ZNF654: variants seen among roughly 807,000 people sequenced by gnomAD.
ZNF654 encodes the protein melanoma-associated antigen.
In ZNF654, 19 loss-of-function variants were observed where a neutral mutation model predicts 95.3. That is an observed-to-expected ratio of 0.20 (90% CI 0.14 to 0.29). The LOEUF (loss-of-function observed/expected upper bound fraction) is 0.29. ZNF654 is among the 10% of genes least tolerant of loss of function. The pLI is 1.00. For synonymous variants in ZNF654, 413 were observed against 457.9 expected, an observed-to-expected ratio of 0.90 and a Z score of 1.25; for missense variants, 1,046 against 1,341.0, an observed-to-expected ratio of 0.78 and a Z score of 3.44.
At chr3:88,080,733 T>C (rs868210756) in intron 1 of ZNF654, among the ~76,000 whole-genome samples, 1 of 152,164 alleles carries the variant, frequency 6.6e-6, no homozygotes, top group Non-Finnish European at 1.5e-5. Context: ...AAAAAGTAAA[T>C]GTAGAAATCT....
intron 3 of ZNF654, among the ~76,000 whole-genome samples, chr3:88,124,830 C>T (rs181852558): frequency 1.4e-3 from 211 of 151,524 alleles, no homozygotes; most frequent in African/African-American, 4.9e-3. Context: ...ACGCTTTAAG[C>T]TCTATTTATG....
intron 3 of ZNF654, among the ~76,000 whole-genome samples, chr3:88,125,748 C>T (rs4858999): frequency 0.71 from 107,526 of 152,100 alleles, 41,724 homozygotes; most frequent in South Asian, 0.91. Flanking sequence ...TGCCCTACCA[C>T]GCTCTCTTTT....
chr3:88,095,837 C>A (rs1327314606), intron 2 of ZNF654: 2 of 456,972 alleles, frequency 4.4e-6, no homozygotes, highest in Non-Finnish European at 8.4e-6. Flanking sequence ...TATTGTGCTC[C>A]TCAGAAAAGC....
In ZNF654 at chr3:88,139,536, A is replaced by G. The variant is rs760852980; in HGVS notation, c.1867A>G (p.Ser623Gly). Residue 623 changes from serine to glycine, a missense_variant, in exon 8 of 9, where the codon AGT (serine) becomes GGT (glycine). Physicochemically the swap from Ser to Gly is moderately conservative, Grantham distance 56 (BLOSUM62 0). Coordinates refer to ENST00000636215, the MANE Select transcript of ZNF654 (RefSeq NM_001350134.2). ...VTALEEINCS[S>G]SSISFENGNS... Reference sequence around the variant, plus strand: ...TGCTTTGGAAGAAATAAATTGTTCTAGTTCTTCCATTTCATTTGAAAATGG... The same window carrying G: ...TGCTTTGGAAGAAATAAATTGTTCTGGTTCTTCCATTTCATTTGAAAATGG... 2.4e-5 allele frequency: 39 copies of G among 1,613,434 alleles called. No homozygotes were observed. Among genetic ancestry groups the G allele is most frequent in the African/African-American group, 4.0e-5 (3 of 74,904 alleles).
intron 6 of ZNF654, among the ~76,000 whole-genome samples, chr3:88,134,569 G>A (rs1234417933): frequency 6.6e-6 from 1 of 152,072 alleles, no homozygotes; most frequent in Non-Finnish European, 1.5e-5. Context: ...TTAAAAGTAC[G>A]ATATCTGAAA....
chr3:88,143,696 CTT>C lies in ZNF654; in HGVS notation c.*2046_*2047del, dbSNP rs1707232143. On this transcript the variant is annotated 3_prime_UTR_variant, in exon 9 of 9. Coordinates refer to ENST00000636215, the MANE Select transcript of ZNF654 (RefSeq NM_001350134.2). ...CAAATATATTCCATTTGTAATCTGT[CTT>C]TAACTTGAGGTTTATTTCTACTTTT... The C allele has an allele frequency of 6.6e-6, 1 of 152,182 alleles. No homozygotes were observed. The highest frequency in any genetic ancestry group is 2.4e-5 in the African/African-American group (1 of 41,378). The allele number at this position is 152,182 out of a possible 1,614,324, so 9.4% of individuals were successfully genotyped here.
chr3:88,139,513 C>A lies in ZNF654; in HGVS notation c.1844C>A (p.Ala615Asp). 1 of 1,613,436 alleles carries A rather than the reference C, an allele frequency of 6.2e-7. No homozygotes were observed. Residue 615 changes from alanine (A) to aspartate (D), a missense_variant, in exon 8 of 9, where the codon GCT becomes GAT. Transcript: ENST00000636215. ...AAQQDDQEVT[A>D]LEEINCSSSS... ...CAACAGGATGATCAGGAAGTCACTG[C>A]TTTGGAAGAAATAAATTGTTCTAGT...
chr3:88,123,286 T>C (rs1442516627), intron 3 of ZNF654, among the ~76,000 whole-genome samples: 4 of 152,150 alleles, frequency 2.6e-5, no homozygotes, highest in Non-Finnish European at 5.9e-5. Flanking sequence ...CTGTTTTCCA[T>C]AAGAGTGGTC....
chr3:88,129,267 A>G (rs1706296722), intron 5 of ZNF654, among the ~76,000 whole-genome samples: 2 of 138,578 alleles, frequency 1.4e-5, no homozygotes, highest in South Asian at 5.2e-4. Context: ...TGCACTTTTG[A>G]TGTGATGGAG....
chr3:88,076,148 T>A (rs1707790421), intron 1 of ZNF654, among the ~76,000 whole-genome samples: 1 of 152,216 alleles, frequency 6.6e-6, no homozygotes, highest in Non-Finnish European at 1.5e-5. Context: ...TGTACAGATT[T>A]TATATTACTT....
intron 2 of ZNF654, among the ~76,000 whole-genome samples, chr3:88,109,098 G>C (rs1257852107): frequency 6.6e-6 from 1 of 151,794 alleles, no homozygotes; most frequent in Non-Finnish European, 1.5e-5. Flanking sequence ...TCCAGTGGGA[G>C]GGAAGGGGTC....
At chr3:88,088,192 G>A (rs563239681) in intron 2 of ZNF654, among the ~76,000 whole-genome samples, 36 of 152,140 alleles carry the variant, frequency 2.4e-4, no homozygotes, top group African/African-American at 7.0e-4. Context: ...ACTTAATTAC[G>A]CTAAAGAAAA....
At chr3:88,106,525 G>C (rs531565715) in intron 2 of ZNF654, among the ~76,000 whole-genome samples, 2 of 152,086 alleles carry the variant, frequency 1.3e-5, no homozygotes, top group South Asian at 4.2e-4. Flanking sequence ...TTTTTGTAGA[G>C]ACAAGGTTTC....
chr3:88,061,815 G>A (rs1354769047), intron 1 of ZNF654, among the ~76,000 whole-genome samples: 1 of 152,134 alleles, frequency 6.6e-6, no homozygotes, highest in Admixed American at 6.5e-5. Context: ...TTTTATTAGT[G>A]AATGACTTAA....
intron 2 of ZNF654, among the ~76,000 whole-genome samples, chr3:88,112,445 C>T (rs1705149229): frequency 3.3e-5 from 5 of 151,644 alleles, no homozygotes; most frequent in Admixed American, 2.6e-4. Flanking sequence ...CATTCATGTT[C>T]CTTTCTTTAT....
intron 2 of ZNF654, among the ~76,000 whole-genome samples, chr3:88,099,188 A>G (rs1194582651): frequency 6.6e-6 from 1 of 152,154 alleles, no homozygotes; most frequent in East Asian, 1.9e-4. Context: ...CTCTACACCA[A>G]TAACAGACAG....
At chr3:88,061,286 G>A (rs1329535115) in intron 1 of ZNF654, among the ~76,000 whole-genome samples, 3 of 152,084 alleles carry the variant, frequency 2.0e-5, no homozygotes, top group African/African-American at 2.4e-5. Context: ...TAGAACAAAT[G>A]ACAAATTTAG....
chr3:88,094,048 A>G (rs1703903798), intron 2 of ZNF654, among the ~76,000 whole-genome samples: 1 of 152,108 alleles, frequency 6.6e-6, no homozygotes. Flanking sequence ...TTGAGAGAAA[A>G]ATCTAGGTCG....
intron 3 of ZNF654, among the ~76,000 whole-genome samples, chr3:88,116,931 C>T (rs1358842464): frequency 2.6e-5 from 4 of 152,028 alleles, no homozygotes; most frequent in Non-Finnish European, 4.4e-5. Flanking sequence ...GTAAAGATGA[C>T]TAAAGAGGAT....
Sources: gnomAD v4.1 joint callset for allele counts (sites outside exome capture counted in the v4.1 genomes callset) on GRCh38, gnomAD v4.1.1 for gene constraint, MANE v1.5 for transcripts, NCBI Gene and HGNC (gene_info 2026-07-23, HGNC 2026-07-21) for gene names.